Variants in WDR3 observed in about 807,000 individuals in gnomAD.
WDR3 encodes WD repeat-containing protein 3.
A neutral mutation model predicts 123.7 loss-of-function variants in WDR3; 81 were observed. The observed-to-expected ratio is 0.65, with a 90% confidence interval of 0.55 to 0.79. The LOEUF (loss-of-function observed/expected upper bound fraction) is 0.79. WDR3 is among the 30% of genes least tolerant of loss of function. WDR3 has a pLI of 0.00. For missense variants in WDR3, 1,027 were observed against 1,123.2 expected, an observed-to-expected ratio of 0.91 and a Z score of 1.22; for synonymous variants, 390 against 388.8, an observed-to-expected ratio of 1.00 and a Z score of -0.04.
At position 117,961,270 on chromosome 1, in the gene WDR3, T is replaced by G. The variant is rs925228410; in HGVS notation, c.*1823T>G. On this transcript the variant is annotated 3_prime_UTR_variant, in exon 27 of 27. Transcript: ENST00000349139. The stretch of plus-strand genomic sequence containing the variant: ...CAGCATTCCAGCCTGGGCAACACAG[T>G]GAGACTCCATCTCCAAAATAATAAT... 3 of 152,126 alleles carry G rather than the reference T, an allele frequency of 2.0e-5. No homozygotes were observed. Among genetic ancestry groups the G allele is most frequent in the Admixed American group, 2.0e-4 (3 of 15,278 alleles). 9.4% of individuals were successfully genotyped at this position (152,126 alleles called of 1,614,324 possible).
intron 4 of WDR3, 127 bp from the exon 5 acceptor site, chr1:117,938,353 A>G (rs1239114668): frequency 4.6e-6 from 3 of 656,662 alleles, no homozygotes; most frequent in Non-Finnish European, 7.6e-6. Context: ...GATCAGAGAG[A>G]ATCGGAGCTT....
At chr1:117,947,228 T>C (rs1651442259) in intron 12 of WDR3, among the ~76,000 whole-genome samples, 1 of 152,202 alleles carries the variant, frequency 6.6e-6, no homozygotes, top group South Asian at 2.1e-4. Flanking sequence ...ATAGAGCTGG[T>C]AGCAGACATA....
intron 8 of WDR3, among the ~76,000 whole-genome samples, chr1:117,941,523 C>T (rs1158942972): frequency 6.6e-6 from 1 of 152,102 alleles, no homozygotes; most frequent in East Asian, 1.9e-4. Flanking sequence ...CTCTTCTAAG[C>T]AATTTAAGAG....
intron 16 of WDR3, among the ~76,000 whole-genome samples, chr1:117,951,279 C>T (rs1007165482): frequency 7.9e-5 from 12 of 151,808 alleles, no homozygotes; most frequent in African/African-American, 1.4e-4. Context: ...TGGATAGTTA[C>T]GGTATTTTAC....
At chr1:117,954,805 G>A (rs1352203975) in intron 23 of WDR3, among the ~76,000 whole-genome samples, 178 bp downstream of exon 23, 2 of 152,074 alleles carry the variant, frequency 1.3e-5, no homozygotes, top group East Asian at 3.8e-4. Context: ...GACCACTTTA[G>A]TGTGACTTCC....
rs569057222 is a variant in WDR3 at position 117,965,403 on chromosome 1, A to C, written c.*5956A>C. On this transcript the variant is annotated 3_prime_UTR_variant, in exon 27 of 27. Coordinates refer to ENST00000349139, the MANE Select transcript of WDR3 (RefSeq NM_006784.3). The stretch of plus-strand genomic sequence containing the variant: ...CATCACCTCTGTGTAAACGATGCTT[A>C]AAATTATTATATCTCCAATTCTGAC... 11 of 152,372 alleles carry C rather than the reference A, an allele frequency of 7.2e-5. No homozygotes were observed. Among genetic ancestry groups the C allele is most frequent in the Admixed American group, 5.2e-4 (8 of 15,304 alleles). The allele number at this position is 152,372 out of a possible 1,614,324, so 9.4% of individuals were successfully genotyped here.
intron 12 of WDR3, 42 bp downstream of exon 12, chr1:117,946,221 T>C: frequency 1.3e-6 from 2 of 1,513,474 alleles, no homozygotes; most frequent in South Asian, 1.2e-5. Flanking sequence ...TCTTTTCTAC[T>C]CAAAATTCAT....
Position 117,933,491 on chromosome 1 carries a change from G to A in WDR3, c.171+1G>A. ...CTGGGACTTAAGGAAAGGAGAGAAG[G>A]TGAGCCTAAAATGACCAGTTTGATA... On this transcript the variant is annotated splice_donor_variant, in intron 2 of 26. Coordinates refer to ENST00000349139, the MANE Select transcript of WDR3 (RefSeq NM_006784.3). LOFTEE classifies it high-confidence loss of function. 6.2e-7 allele frequency: 1 copy of A among 1,614,094 alleles called. No individual in the cohort carries two copies. Among genetic ancestry groups the A allele is most frequent in the Non-Finnish European group, 8.5e-7 (1 of 1,179,972 alleles).
In WDR3 at chr1:117,939,152, A is replaced by G. The variant is rs545570407; in HGVS notation, c.580-325A>G. ...CTTTTATTTGCTAGACACTGCTAAA[A>G]GCAAAGAAATAGAAGACTTAAAATC... On this transcript the variant is annotated intron_variant, in intron 5 of 26. Transcript: ENST00000349139. Among the ~76,000 whole-genome samples, 6 of 152,364 alleles carry G rather than the reference A, an allele frequency of 3.9e-5. No individual in the cohort carries two copies. The South Asian group carries it at 1.2e-3, about 32-fold the overall frequency.
chr1:117,937,027 C>CCACTAAAAGAAGAAACAGGAAAAAA, intron 4 of WDR3, 140 bp downstream of exon 4: 1 of 626,810 alleles, frequency 1.6e-6, no homozygotes. Context: ...TCCTTCTTTC[C>CCACTAAAAGAAGAAACAGGAAAAAA]ATTTCTTCTA....
Position 117,941,173 on chromosome 1 carries a change from A to C in WDR3, c.839A>C (p.Asp280Ala). ...KAGSIMREGR[D>A]RVVNLAVDKT... ...GGTTCCATAATGCGGGAAGGAAGAG[A>C]CAGAGTTGTAAACCTTGCAGTCGAC... The change falls in exon 8 of 27, where the codon GAC becomes GCC. Residue 280 changes from aspartate (D) to alanine (A), a missense_variant. By Grantham distance (126) the Asp-to-Ala change is moderately radical (BLOSUM62 -2). Transcript: ENST00000349139. 6.2e-7 allele frequency: 1 copy of C among 1,614,184 alleles called. No homozygotes were observed. Among genetic ancestry groups the C allele is most frequent in the East Asian group, 2.2e-5 (1 of 44,870 alleles).
chr1:117,937,418 A>G lies in WDR3; in HGVS notation c.500+531A>G, dbSNP rs76845621. Among the ~76,000 whole-genome samples, 559 of 152,296 alleles carry G rather than the reference A, an allele frequency of 3.7e-3. 17 individuals are homozygous for G. The East Asian group carries it at 0.083, about 23-fold the overall frequency. Reference sequence around the variant, plus strand: ...ATTCCTAAAGAATGGCCACCTAGGAAAAGCTGGGATACCAAGGTTTGCCAG... The same window carrying G: ...ATTCCTAAAGAATGGCCACCTAGGAGAAGCTGGGATACCAAGGTTTGCCAG... On this transcript the variant is annotated intron_variant, in intron 4 of 26. Coordinates refer to ENST00000349139, the MANE Select transcript of WDR3 (RefSeq NM_006784.3).
intron 10 of WDR3, 113 bp from the exon 11 acceptor site, chr1:117,943,283 T>C (rs1651244243): frequency 2.2e-6 from 2 of 921,438 alleles, no homozygotes; most frequent in African/African-American, 3.4e-5. Flanking sequence ...AAATTGTTTA[T>C]AGTTATTCAA....
At chr1:117,955,472 C>A in intron 24 of WDR3, 114 bp downstream of exon 24, 1 of 975,432 alleles carries the variant, frequency 1.0e-6, no homozygotes, top group Non-Finnish European at 1.5e-6. Context: ...ATAGGTTTAA[C>A]TATATCAAAG....
At chr1:117,945,810 G>C (rs187803749) in intron 11 of WDR3, among the ~76,000 whole-genome samples, 20 of 152,256 alleles carry the variant, frequency 1.3e-4, no homozygotes, top group Non-Finnish European at 5.9e-5. Context: ...TCTTGGTAAT[G>C]GCAGATTGGG....
At chr1:117,935,146 G>C (rs901350872) in intron 3 of WDR3, among the ~76,000 whole-genome samples, 2 of 152,198 alleles carry the variant, frequency 1.3e-5, no homozygotes, top group Non-Finnish European at 2.9e-5. Flanking sequence ...GAATGGAATA[G>C]AAGACTTTTA....
chr1:117,953,730 A>G lies in WDR3; in HGVS notation c.2268+189A>G, dbSNP rs926808765. 1.3e-5 allele frequency: 8 copies of G among 631,690 alleles called. 1 individual carries two copies. The highest frequency in any genetic ancestry group is 1.0e-4 in the South Asian group (5 of 49,456). The allele number at this position is 631,690 out of a possible 1,614,324, so 39.1% of individuals were successfully genotyped here. ...GAGTAGTCCTGAATCTCTTTGATCA[A>G]TATGTGCTCCTTTCAGGTGTTCCTG... On this transcript the variant is annotated intron_variant, in intron 21 of 26. Transcript: ENST00000349139.
chr1:117,939,592 A>T lies in WDR3; in HGVS notation c.675+20A>T, dbSNP rs772085364. On this transcript the variant is annotated intron_variant, in intron 6 of 26. Coordinates refer to ENST00000349139, the MANE Select transcript of WDR3 (RefSeq NM_006784.3). ...CAAGAGGTAATTACTTCTTAAAATC[A>T]TGGGCAATATGTTTAGAAGTTTCAT... 12 of 1,608,658 alleles carry T rather than the reference A, an allele frequency of 7.5e-6. No homozygotes were observed. Among genetic ancestry groups the T allele is most frequent in the Non-Finnish European group, 1.0e-5 (12 of 1,175,246 alleles).
chr1:117,943,768 CT>C, intron 11 of WDR3, 142 bp downstream of exon 11: 1 of 696,046 alleles, frequency 1.4e-6, no homozygotes, highest in Non-Finnish European at 2.2e-6. Context: ...GCCTGTGGAG[CT>C]TAGAGAAGAA....
Sources: gnomAD v4.1 joint callset for allele counts (sites outside exome capture counted in the v4.1 genomes callset) on GRCh38, gnomAD v4.1.1 for gene constraint, MANE v1.5 for transcripts, NCBI Gene and HGNC (gene_info 2026-07-23, HGNC 2026-07-21) for gene names.